The following MSH3 variants were observed in gnomAD, a reference collection of about 807,000 sequenced individuals.
MSH3 encodes the protein mutS homolog 3.
In MSH3, 106 loss-of-function variants were observed where a neutral mutation model predicts 123.3. The ratio of observed to expected loss-of-function variants is 0.86; its 90% CI spans 0.73 to 1.01. MSH3 has a LOEUF of 1.01. Ranked by LOEUF, MSH3 falls within the 50% of genes least tolerant of loss-of-function variation. The pLI is 0.00. For missense variants in MSH3, 1,459 were observed against 1,347.6 expected, an observed-to-expected ratio of 1.08 and a Z score of -1.29; for synonymous variants, 515 against 481.4, an observed-to-expected ratio of 1.07 and a Z score of -0.91.
Position 80,654,890 on chromosome 5 carries a change from G to GCAGCGGCCGCAGCGGCCGCAGCGCCCC in MSH3, c.169_195dup (p.Ala57_Ala65dup), listed in dbSNP as rs762256716. 3 of 814,352 alleles carry GCAGCGGCCGCAGCGGCCGCAGCGCCCC rather than the reference G, an allele frequency of 3.7e-6. No individual in the cohort carries two copies. The highest frequency in any genetic ancestry group is 2.9e-5 in the East Asian group (1 of 34,250). 50.4% of individuals were successfully genotyped at this position (814,352 alleles called of 1,614,324 possible). A position where few individuals can be genotyped will look rare whatever the true frequency, so the allele number is the denominator to read the frequency against. ...GGTGGACCCTGGCGCTGCAGCGGCT[G>GCAGCGGCCGCAGCGGCCGCAGCGCCCC]CAGCGGCCGCAGCGGCCGCAGCGCC... On this transcript the variant is annotated inframe_insertion, in exon 1 of 24. Transcript: ENST00000265081.
intron 12 of MSH3, among the ~76,000 whole-genome samples, chr5:80,754,250 A>G (rs949082432): frequency 1.3e-5 from 2 of 152,150 alleles, no homozygotes; most frequent in Admixed American, 6.6e-5. Flanking sequence ...GTATACTTCC[A>G]GAAACCTTTT....
chr5:80,657,982 T>C (rs1260758673), intron 2 of MSH3, among the ~76,000 whole-genome samples: 1 of 152,006 alleles, frequency 6.6e-6, no homozygotes, highest in East Asian at 1.9e-4. Context: ...CTATGATTTT[T>C]ATTCTAGAGG....
intron 12 of MSH3, among the ~76,000 whole-genome samples, chr5:80,756,938 A>C (rs1358834807): frequency 6.6e-6 from 1 of 152,198 alleles, no homozygotes; most frequent in Non-Finnish European, 1.5e-5. Context: ...TAGCCATTTC[A>C]CATGACCAAT....
At chr5:80,658,864 T>C (rs1266974307) in intron 2 of MSH3, among the ~76,000 whole-genome samples, 1 of 152,224 alleles carries the variant, frequency 6.6e-6, no homozygotes, top group African/African-American at 2.4e-5. Context: ...CTTCAGTAGC[T>C]GGGACTGTGC....
At position 80,654,896 on chromosome 5, in the gene MSH3, GCCGCAGCGGCCGCAGCGC is replaced by G. The variant is rs1554066062; in HGVS notation, c.172_189del (p.Ala58_Pro63del). 5 of 815,280 alleles carry G rather than the reference GCCGCAGCGGCCGCAGCGC, an allele frequency of 6.1e-6. No homozygotes were observed. In the East Asian group the frequency reaches 1.2e-4, roughly 19 times the overall value. 50.5% of individuals were successfully genotyped at this position (815,280 alleles called of 1,614,324 possible). On this transcript the variant is annotated inframe_deletion, in exon 1 of 24. Transcript: ENST00000265081. ...CCCTGGCGCTGCAGCGGCTGCAGCGGCCGCAGCGGCCGCAGCGCCCCCAGCGCCCCCAGCTCCCGCCTT... is the reference window on the plus strand; with the variant it reads ...CCCTGGCGCTGCAGCGGCTGCAGCGGCCCCAGCGCCCCCAGCTCCCGCCTT...
At chr5:80,686,645 A>G (rs1317844642) in intron 8 of MSH3, among the ~76,000 whole-genome samples, 1 of 151,968 alleles carries the variant, frequency 6.6e-6, no homozygotes, top group Non-Finnish European at 1.5e-5. Context: ...TTGTTTCCAT[A>G]TTTACAACCA....
At chr5:80,793,121 T>C (rs917270206) in intron 19 of MSH3, among the ~76,000 whole-genome samples, 3 of 152,176 alleles carry the variant, frequency 2.0e-5, no homozygotes, top group African/African-American at 7.2e-5. Context: ...AATATGCAAA[T>C]AGAGTTGGAA....
intron 3 of MSH3, among the ~76,000 whole-genome samples, chr5:80,669,443 A>T (rs1449945107): frequency 6.6e-6 from 1 of 152,204 alleles, no homozygotes. Context: ...ATAAGCGAGG[A>T]ATTTTCCCTA....
chr5:80,783,802 T>C (rs1168363753), intron 17 of MSH3, among the ~76,000 whole-genome samples: 1 of 152,132 alleles, frequency 6.6e-6, no homozygotes, highest in Non-Finnish European at 1.5e-5. Context: ...ATACCAAATA[T>C]GGCTGCTTTC....
intron 11 of MSH3, among the ~76,000 whole-genome samples, chr5:80,741,998 ACTTT>A (rs1040871113): frequency 1.4e-5 from 2 of 143,368 alleles, no homozygotes; most frequent in Non-Finnish European, 3.1e-5. Flanking sequence ...CAGTTTGCAA[ACTTT>A]CTTTTTTTTT....
At chr5:80,722,131 A>G (rs188833586) in intron 8 of MSH3, among the ~76,000 whole-genome samples, 1 of 152,342 alleles carries the variant, frequency 6.6e-6, no homozygotes, top group Non-Finnish European at 1.5e-5. Flanking sequence ...AAGTTTCACT[A>G]TTGTTTATTT....
At chr5:80,734,221 T>A (rs186427478) in intron 10 of MSH3, among the ~76,000 whole-genome samples, 18 of 152,348 alleles carry the variant, frequency 1.2e-4, no homozygotes, top group African/African-American at 4.3e-4. Flanking sequence ...TTTGTCTGAT[T>A]CCATTTATAT....
At chr5:80,710,449 A>G (rs756285727) in intron 8 of MSH3, among the ~76,000 whole-genome samples, 1 of 152,204 alleles carries the variant, frequency 6.6e-6, no homozygotes, top group Admixed American at 6.5e-5. Flanking sequence ...TCTTTCCCTT[A>G]TAATGCATAT....
intron 8 of MSH3, among the ~76,000 whole-genome samples, chr5:80,724,850 A>G (rs1743241074): frequency 6.6e-6 from 1 of 152,160 alleles, no homozygotes; most frequent in African/African-American, 2.4e-5. Context: ...AATTTCAATG[A>G]GTTTTTCTTT....
intron 19 of MSH3, among the ~76,000 whole-genome samples, chr5:80,798,062 G>C (rs1014172758): frequency 1.3e-5 from 2 of 152,112 alleles, no homozygotes; most frequent in African/African-American, 2.4e-5. Context: ...TCAACTAATG[G>C]AGGGGAGGGG....
In MSH3 at chr5:80,787,678, A is replaced by T. The variant is rs777808755; in HGVS notation, c.2543+6A>T. 6.3e-7 allele frequency: 1 copy of T among 1,589,320 alleles called. No individual in the cohort carries two copies. The highest frequency in any genetic ancestry group is 1.3e-5 in the African/African-American group (1 of 74,322). Reference sequence around the variant, plus strand: ...AAGCAAGGAGATTACTGCAGGTAAGATATTTTTCATTTTCCTCTTTATCAG... The same window carrying T: ...AAGCAAGGAGATTACTGCAGGTAAGTTATTTTTCATTTTCCTCTTTATCAG... On this transcript the variant is annotated splice_donor_region_variant and intron_variant, in intron 18 of 23. Coordinates refer to ENST00000265081, the MANE Select transcript of MSH3 (RefSeq NM_002439.5).
intron 20 of MSH3, among the ~76,000 whole-genome samples, chr5:80,814,238 A>G (rs1464755081): frequency 1.3e-5 from 2 of 151,846 alleles, no homozygotes; most frequent in Non-Finnish European, 2.9e-5. Context: ...TAGCTTCCAA[A>G]TTATTTTTAA....
intron 8 of MSH3, among the ~76,000 whole-genome samples, chr5:80,692,235 C>T (rs1750296512): frequency 8.1e-5 from 3 of 36,856 alleles, no homozygotes; most frequent in African/African-American, 1.2e-4. Flanking sequence ...GATAGATAAA[C>T]ATGTATATGT....
chr5:80,813,927 A>G (rs535697785), intron 20 of MSH3, among the ~76,000 whole-genome samples, 186 bp downstream of exon 20: 1 of 152,082 alleles, frequency 6.6e-6, no homozygotes, highest in African/African-American at 2.4e-5. Context: ...TTGGGAGACC[A>G]AGGCAGGAGG....
Sources: gnomAD v4.1 joint callset for allele counts (sites outside exome capture counted in the v4.1 genomes callset) on GRCh38, gnomAD v4.1.1 for gene constraint, MANE v1.5 for transcripts, NCBI Gene and HGNC (gene_info 2026-07-23, HGNC 2026-07-21) for gene names.